Variants in HPSE2 observed in about 807,000 individuals in gnomAD.
The protein encoded by HPSE2 is heparanase 2 (inactive).
Under a neutral mutation model 60.5 loss-of-function variants are expected in HPSE2, and 38 were observed. That is an observed-to-expected ratio of 0.63 (90% confidence interval 0.48 to 0.82). The LOEUF (loss-of-function observed/expected upper bound fraction) is 0.82, where lower values mean the gene tolerates loss of function less well. Among genes scored for constraint, HPSE2 ranks in the 40% least tolerant of loss-of-function variants. The probability of loss-of-function intolerance (pLI) is 0.00; values close to 1 mark genes in which losing one functional copy is unlikely to be tolerated. For missense variants in HPSE2, 713 were observed against 740.4 expected (o/e 0.96, Z 0.43); for synonymous variants, 295 against 293.2 (o/e 1.01, Z -0.06).
chr10:98,646,987 C>T (rs563060), intron 6 of HPSE2, among the ~76,000 whole-genome samples: 129,731 of 152,232 alleles, frequency 0.85, 57,410 homozygotes, highest in South Asian at 0.98. Flanking sequence ...TAAACCTGTA[C>T]TCCAGATCCT....
intron 4 of HPSE2, among the ~76,000 whole-genome samples, chr10:98,727,101 T>G (rs937339698): frequency 6.6e-6 from 1 of 152,094 alleles, no homozygotes; most frequent in Non-Finnish European, 1.5e-5. Flanking sequence ...ATAAAAAAAC[T>G]TAAGAGATAT....
chr10:98,635,015 T>C (rs889893299), intron 7 of HPSE2, among the ~76,000 whole-genome samples: 15 of 152,184 alleles, frequency 9.9e-5, no homozygotes, highest in African/African-American at 3.6e-4. Flanking sequence ...GTAATAGGAA[T>C]CATAACATCT....
intron 3 of HPSE2, among the ~76,000 whole-genome samples, chr10:98,813,468 T>G (rs540292627): frequency 6.6e-6 from 1 of 152,306 alleles, no homozygotes; most frequent in East Asian, 1.9e-4. Flanking sequence ...GAGGAAGAAT[T>G]GCTGATCTTA....
intron 3 of HPSE2, among the ~76,000 whole-genome samples, chr10:99,019,773 A>C (rs560016132): frequency 3.2e-4 from 48 of 151,072 alleles, no homozygotes; most frequent in Non-Finnish European, 6.3e-4. Flanking sequence ...GCAGTGGTGC[A>C]ATCTTGGCTC....
chr10:99,004,159 C>G (rs968350868), intron 3 of HPSE2, among the ~76,000 whole-genome samples: 1 of 152,030 alleles, frequency 6.6e-6, no homozygotes, highest in African/African-American at 2.4e-5. Flanking sequence ...GTCTCTTGTA[C>G]ACAGCACACA....
At position 99,090,550 on chromosome 10, in the gene HPSE2, GT is replaced by G. The variant is rs548470474; in HGVS notation, c.610+53687del. On this transcript the variant is annotated intron_variant, in intron 3 of 11. Transcript: ENST00000370552. ...TCAATAAGTGCTAAATAAAATTTAAGTATACATGCATAAATGAGAAATATTT... is the reference window on the plus strand; with the variant it reads ...TCAATAAGTGCTAAATAAAATTTAAGATACATGCATAAATGAGAAATATTT... 1.4e-4 allele frequency among the ~76,000 whole-genome samples: 22 copies of G among 152,104 alleles called. No individual in the cohort carries two copies. In the South Asian group the frequency reaches 4.3e-3, roughly 30 times the overall value.
intron 3 of HPSE2, among the ~76,000 whole-genome samples, chr10:99,097,791 TAGATA>T (rs1006279494): frequency 1.3e-5 from 2 of 152,208 alleles, no homozygotes; most frequent in African/African-American, 4.8e-5. Flanking sequence ...TCTCGTTTTA[TAGATA>T]AGACAATGGG....
In HPSE2 at chr10:99,034,030, A is replaced by T. The variant is rs938672768; in HGVS notation, c.610+110208T>A. On this transcript the variant is annotated intron_variant, in intron 3 of 11. Coordinates refer to ENST00000370552, the MANE Select transcript of HPSE2 (RefSeq NM_021828.5). Reference sequence around the variant, plus strand: ...ATGCTCACCAAAAACCTATATGTGCATATGTTTAGCAACTTTATTCATGAC... The same window carrying T: ...ATGCTCACCAAAAACCTATATGTGCTTATGTTTAGCAACTTTATTCATGAC... 2.0e-5 allele frequency among the ~76,000 whole-genome samples: 3 copies of T among 152,206 alleles called. No homozygotes were observed. The East Asian group carries it at 5.8e-4, about 29-fold the overall frequency.
At chr10:99,236,764 A>G (rs1177119434), upstream of HPSE2, among the ~76,000 whole-genome samples, 2 of 152,182 alleles carry the variant, frequency 1.3e-5, no homozygotes, top group Non-Finnish European at 2.9e-5. Context: ...TGGGAGCGTC[A>G]ATACATGCTG....
chr10:99,226,036 A>T (rs536211168), intron 2 of HPSE2, among the ~76,000 whole-genome samples: 2 of 152,046 alleles, frequency 1.3e-5, no homozygotes, highest in South Asian at 2.1e-4. Context: ...TTTAACAAAA[A>T]TGTGTAAATA....
chr10:99,140,237 T>C (rs1845817007), intron 3 of HPSE2, among the ~76,000 whole-genome samples: 1 of 152,186 alleles, frequency 6.6e-6, no homozygotes, highest in African/African-American at 2.4e-5. Context: ...AGTAACACTA[T>C]AAAGCCAACC....
At chr10:98,750,028 T>C (rs1214741007) in intron 3 of HPSE2, among the ~76,000 whole-genome samples, 2 of 150,352 alleles carry the variant, frequency 1.3e-5, no homozygotes, top group Non-Finnish European at 3.0e-5. Context: ...TTACATTTAA[T>C]GTGGCTGGCA....
intron 9 of HPSE2, among the ~76,000 whole-genome samples, chr10:98,517,199 T>TGGGGGGGGGAGTG (rs1554926104): frequency 8.8e-6 from 1 of 113,684 alleles, no homozygotes; most frequent in Non-Finnish European, 1.9e-5. Context: ...GGGTGTGGGG[T>TGGGGGGGGGAGTG]GGGGGGGGCG....
intron 3 of HPSE2, among the ~76,000 whole-genome samples, chr10:98,898,218 C>T (rs1482186632): frequency 6.6e-6 from 1 of 152,154 alleles, no homozygotes; most frequent in African/African-American, 2.4e-5. Flanking sequence ...CCAACAATCA[C>T]ACTCATAGAT....
chr10:98,902,042 T>A (rs1262509064), intron 3 of HPSE2, among the ~76,000 whole-genome samples: 1 of 152,198 alleles, frequency 6.6e-6, no homozygotes. Flanking sequence ...AATTTGTTCA[T>A]GTAATCACAA....
At chr10:98,690,167 T>C (rs530122213) in intron 6 of HPSE2, among the ~76,000 whole-genome samples, 83 of 152,336 alleles carry the variant, frequency 5.4e-4, no homozygotes, top group African/African-American at 1.9e-3. Context: ...TTTGACTCCT[T>C]CTCCTTGACA....
intron 2 of HPSE2, among the ~76,000 whole-genome samples, chr10:99,151,007 A>AAAAAAT (rs1444651509): frequency 6.6e-6 from 1 of 152,220 alleles, no homozygotes; most frequent in South Asian, 2.1e-4. Context: ...AAACCAAGCT[A>AAAAAAT]AAAAATAAAA....
At chr10:98,654,955 T>C (rs1947019349) in intron 6 of HPSE2, among the ~76,000 whole-genome samples, 1 of 152,196 alleles carries the variant, frequency 6.6e-6, no homozygotes, top group Non-Finnish European at 1.5e-5. Context: ...TCCTAGTTAC[T>C]CCTCTTCAGA....
At chr10:99,179,090 C>G (rs1056368955) in intron 2 of HPSE2, among the ~76,000 whole-genome samples, 1 of 152,132 alleles carries the variant, frequency 6.6e-6, no homozygotes, top group Non-Finnish European at 1.5e-5. Flanking sequence ...TAAAATCTCT[C>G]AATAAACTGG....
Sources: allele counts gnomAD v4.1 joint callset (sites outside exome capture counted in the v4.1 genomes callset), GRCh38; gene constraint gnomAD v4.1.1; transcripts MANE v1.5; gene names NCBI Gene and HGNC (gene_info 2026-07-23, HGNC 2026-07-21).